Variants in LIFR observed in about 807,000 individuals in gnomAD.
LIFR encodes the protein leukemia inhibitory factor receptor.
In LIFR, 84 loss-of-function variants were observed where a neutral mutation model predicts 122.2. The observed-to-expected ratio is 0.69, with a 90% CI of 0.58 to 0.82. LIFR has a LOEUF of 0.82. LIFR is among the 40% of genes least tolerant of loss of function. LIFR has a pLI of 0.00. For missense variants in LIFR, 1,294 were observed against 1,311.6 expected (o/e 0.99, Z 0.21); for synonymous variants, 422 against 434.7 (o/e 0.97, Z 0.36).
upstream of LIFR, among the ~76,000 whole-genome samples, chr5:38,598,598 C>G (rs2112778659): frequency 1.3e-5 from 2 of 152,178 alleles, 1 homozygote; most frequent in South Asian, 4.2e-4. Context: ...TCCCAACCCA[C>G]TGAGCTTTTT....
At position 38,482,197 on chromosome 5, in the gene LIFR, A is replaced by G. The variant is rs890810298; in HGVS notation, c.2692T>C (p.Leu898=). 2.2e-5 allele frequency: 36 copies of G among 1,601,052 alleles called. No homozygotes were observed. Among genetic ancestry groups the G allele is most frequent in the Non-Finnish European group, 2.9e-5 (34 of 1,176,774 alleles). Residue 898 remains leucine (L), a synonymous_variant, in exon 20 of 20, where the codon TTG becomes CTG. Coordinates refer to ENST00000453190, the MANE Select transcript of LIFR (RefSeq NM_001127671.2). ...TTTGGGGTACAAGGATTCATTTCCA[A>G]TGTTTTAAGAGCACTGCTTCCCTAG... The part of the protein sequence containing the change: ...VCEGSSALKT[L]EMNPCTPNNV...
intron 1 of LIFR, among the ~76,000 whole-genome samples, chr5:38,548,650 G>C (rs1244172517): frequency 6.6e-6 from 1 of 152,036 alleles, no homozygotes. Flanking sequence ...TCTATAAAAG[G>C]AAAGAAAGAT....
rs988283333 is a variant in LIFR at position 38,584,641 on chromosome 5, A to G, written c.-20+10620T>C. On this transcript the variant is annotated intron_variant, in intron 1 of 19. Coordinates refer to the LIFR transcript ENST00000263409. Reference sequence around the variant, plus strand: ...AAAAAAATAGTGCAAGACCTAACTTATATGTGGAATCTTAAAACAGAAAAT... The same window carrying G: ...AAAAAAATAGTGCAAGACCTAACTTGTATGTGGAATCTTAAAACAGAAAAT... Among the ~76,000 whole-genome samples the G allele has an allele frequency of 2.6e-5, 4 of 152,286 alleles. No homozygotes were observed. The South Asian group carries it at 6.2e-4, about 24-fold the overall frequency.
intron 14 of LIFR, chr5:38,490,724 C>G (rs926101892): frequency 1.3e-5 from 2 of 153,212 alleles, no homozygotes; most frequent in Non-Finnish European, 2.9e-5. Flanking sequence ...CTCAGCCTCC[C>G]AAGTAGCTGG....
Position 38,502,674 on chromosome 5 carries a change from T to G in LIFR, c.1563A>C (p.Lys521Asn). The G allele has an allele frequency of 1.2e-6, 2 of 1,613,672 alleles. No individual in the cohort carries two copies. The highest frequency in any genetic ancestry group is 2.2e-5 in the South Asian group (2 of 91,064). ...CSTETFWKWS[K>N]WSNKKQHLTT... ...TTAAATGTTGTTTTTTATTGCTCCATTTGCTCCATTTCCAGAAAGTTTCAG... is the reference window on the plus strand; with the variant it reads ...TTAAATGTTGTTTTTTATTGCTCCAGTTGCTCCATTTCCAGAAAGTTTCAG... The change falls in exon 11 of 20, where the codon AAA becomes AAC. Residue 521 changes from lysine to asparagine, a missense_variant. Coordinates refer to ENST00000453190, the MANE Select transcript of LIFR (RefSeq NM_001127671.2).
chr5:38,601,754 C>A (rs1289708580), intron 2 of LIFR, among the ~76,000 whole-genome samples: 1 of 152,176 alleles, frequency 6.6e-6, no homozygotes, highest in Non-Finnish European at 1.5e-5. Flanking sequence ...ACTCCCATGG[C>A]TTGAGATACT....
At chr5:38,507,926 T>C (rs1436715568) in intron 7 of LIFR, among the ~76,000 whole-genome samples, 1 of 152,150 alleles carries the variant, frequency 6.6e-6, no homozygotes, top group African/African-American at 2.4e-5. Flanking sequence ...GTTTAACAAT[T>C]AGATAAGTAA....
At chr5:38,535,180 G>A (rs1324969711) in intron 1 of LIFR, among the ~76,000 whole-genome samples, 1 of 152,124 alleles carries the variant, frequency 6.6e-6, no homozygotes, top group Non-Finnish European at 1.5e-5. Flanking sequence ...GTGTGTCCGG[G>A]CCACACTAAA....
At position 38,534,742 on chromosome 5, in the gene LIFR, T is replaced by C. The variant is rs1747203275; in HGVS notation, c.-19-4076A>G. ...ATAAATTAGTCAAGTCAGGCCTCTG[T>C]GACTTGCGGTGTGAGTGTGGACAAA... On this transcript the variant is annotated intron_variant, in intron 1 of 19. Transcript: ENST00000453190. 2.0e-5 allele frequency among the ~76,000 whole-genome samples: 3 copies of C among 152,130 alleles called. No homozygotes were observed. The South Asian group carries it at 6.2e-4, about 32-fold the overall frequency.
rs527711751 is a variant in LIFR, at chr5:38,476,177, G to A, written c.*5418C>T. On this transcript the variant is annotated 3_prime_UTR_variant, in exon 20 of 20. Coordinates refer to ENST00000453190, the MANE Select transcript of LIFR (RefSeq NM_001127671.2). ...GGAAAAGCATTTGGAATCAAACTGG[G>A]AGAAGAATGTTTTACAAAAATTGTA... is the stretch of plus-strand genomic sequence containing the variant. 151 of 205,692 alleles carry A rather than the reference G, an allele frequency of 7.3e-4. No individual in the cohort carries two copies. The highest frequency in any genetic ancestry group is 2.7e-3 in the African/African-American group (120 of 43,956). The allele number at this position is 205,692 out of a possible 1,614,324, so 12.7% of individuals were successfully genotyped here. A position where few individuals can be genotyped will look rare whatever the true frequency, so the allele number is the denominator to read the frequency against.
chr5:38,601,304 C>G (rs1358248381), intron 2 of LIFR, among the ~76,000 whole-genome samples: 1 of 152,168 alleles, frequency 6.6e-6, no homozygotes, highest in Non-Finnish European at 1.5e-5. Flanking sequence ...TTGATCTTGG[C>G]CTTCCCAGCC....
intron 13 of LIFR, among the ~76,000 whole-genome samples, chr5:38,495,952 A>G (rs1252302822): frequency 6.6e-6 from 1 of 152,142 alleles, no homozygotes; most frequent in Non-Finnish European, 1.5e-5. Flanking sequence ...ATTTCTTATC[A>G]AAAAAGGTGC....
chr5:38,599,711 CT>C (rs1750189421), upstream of LIFR, among the ~76,000 whole-genome samples: 1 of 152,008 alleles, frequency 6.6e-6, no homozygotes, highest in African/African-American at 2.4e-5. Flanking sequence ...GCTTTAGGTA[CT>C]TTAAAAAATT....
chr5:38,530,750 T>A, intron 1 of LIFR, 84 bp from the exon 2 acceptor site: 16 of 1,127,874 alleles, frequency 1.4e-5, no homozygotes, highest in Non-Finnish European at 2.2e-5. Flanking sequence ...CTCAAATAGA[T>A]TCTGACAGAT....
At chr5:38,606,045 G>A (rs1750321421) in intron 2 of LIFR, among the ~76,000 whole-genome samples, 1 of 152,126 alleles carries the variant, frequency 6.6e-6, no homozygotes, top group Non-Finnish European at 1.5e-5. Flanking sequence ...TCAGATAGTT[G>A]GGGTTCACAA....
chr5:38,496,753 G>T (rs1744902760), intron 12 of LIFR, among the ~76,000 whole-genome samples, 158 bp from the exon 13 acceptor site: 1 of 152,184 alleles, frequency 6.6e-6, no homozygotes, highest in African/African-American at 2.4e-5. Context: ...GAGGCAGGTG[G>T]ATCACTTGAA....
At chr5:38,598,158 T>C (rs371554614), upstream of LIFR, among the ~76,000 whole-genome samples, 6 of 150,810 alleles carry the variant, frequency 4.0e-5, no homozygotes, top group African/African-American at 1.5e-4. Context: ...CTATGACTGG[T>C]TTCTTATTGC....
intron 1 of LIFR, among the ~76,000 whole-genome samples, chr5:38,592,097 T>C (rs1749938634): frequency 6.6e-6 from 1 of 152,200 alleles, no homozygotes; most frequent in African/African-American, 2.4e-5. Context: ...TTGGTGTTAT[T>C]ATTTCTTCCC....
At chr5:38,505,167 T>TA (rs11331981) in intron 9 of LIFR, among the ~76,000 whole-genome samples, 13 of 150,032 alleles carry the variant, frequency 8.7e-5, no homozygotes, top group East Asian at 3.9e-4. Flanking sequence ...AGGACATCCT[T>TA]AAAAAAAAAA....
Sources: allele counts gnomAD v4.1 joint callset (sites outside exome capture counted in the v4.1 genomes callset), GRCh38; gene constraint gnomAD v4.1.1; transcripts MANE v1.5; gene names NCBI Gene and HGNC (gene_info 2026-07-23, HGNC 2026-07-21).